DESI2: variants seen among roughly 807,000 people sequenced by gnomAD.
DESI2 encodes the protein deubiquitinase DESI2.
Under a neutral mutation model 24.1 loss-of-function variants are expected in DESI2, and 10 were observed. That is an observed-to-expected ratio of 0.41 (90% CI 0.26 to 0.70). DESI2 has a LOEUF of 0.70. Ranked by LOEUF, DESI2 falls within the 30% of genes least tolerant of loss-of-function variation. DESI2 has a pLI of 0.29. For synonymous variants in DESI2, 71 were observed against 87.7 expected (o/e 0.81, Z 1.06); for missense variants, 122 against 234.9 (o/e 0.52, Z 3.14).
chr1:244,676,803 TTA>T (rs893487757), intron 1 of DESI2, among the ~76,000 whole-genome samples: 1 of 147,824 alleles, frequency 6.8e-6, no homozygotes, highest in African/African-American at 2.5e-5. Context: ...AAAATATATA[TTA>T]TATATATTTT....
chr1:244,700,196 A>G (rs977083525), intron 4 of DESI2, among the ~76,000 whole-genome samples: 15 of 152,146 alleles, frequency 9.9e-5, no homozygotes, highest in Non-Finnish European at 1.9e-4. Flanking sequence ...GCTATGTCCT[A>G]TGAGTCCTCT....
chr1:244,699,810 C>G (rs1449909688), intron 4 of DESI2, among the ~76,000 whole-genome samples: 3 of 152,166 alleles, frequency 2.0e-5, no homozygotes, highest in African/African-American at 7.2e-5. Context: ...CTTTGTTTTT[C>G]AATACTGCCT....
Position 244,668,943 on chromosome 1 carries a change from AT to A in DESI2, c.42+15595del, listed in dbSNP as rs1412201625. 2.6e-5 allele frequency among the ~76,000 whole-genome samples: 4 copies of A among 152,106 alleles called. No homozygotes were observed. The East Asian group carries it at 7.7e-4, about 29-fold the overall frequency. On this transcript the variant is annotated intron_variant, in intron 1 of 4. Transcript: ENST00000302550. ...ATTTTAAGAGGATAATTTTTCTGCA[AT>A]TTTTTTCTCTTCCCTTTTATCATAT... is the stretch of plus-strand genomic sequence containing the variant.
rs528401774 is a variant in DESI2, at chr1:244,703,820, A to G, written c.352-1736A>G. Among the ~76,000 whole-genome samples the G allele has an allele frequency of 3.2e-4, 49 of 151,944 alleles. No homozygotes were observed. The South Asian group carries it at 5.4e-3, about 17-fold the overall frequency. On this transcript the variant is annotated intron_variant, in intron 4 of 4. Coordinates refer to ENST00000302550, the MANE Select transcript of DESI2 (RefSeq NM_016076.5). The stretch of plus-strand genomic sequence containing the variant: ...ACTACAGGTGCCCGCCACCACGCCT[A>G]GCTAATTTTTTGTATGTTTAGTAGA...
intron 1 of DESI2, among the ~76,000 whole-genome samples, chr1:244,657,494 T>TA (rs1675690044): frequency 6.6e-6 from 1 of 152,238 alleles, no homozygotes; most frequent in African/African-American, 2.4e-5. Flanking sequence ...TTCTTTATTA[T>TA]AAACCCTTCA....
chr1:244,656,713 A>G (rs1474285132), intron 1 of DESI2, among the ~76,000 whole-genome samples: 2 of 152,262 alleles, frequency 1.3e-5, no homozygotes, highest in African/African-American at 2.4e-5. Context: ...TTTATAAAAT[A>G]AAAATATGCA....
chr1:244,672,337 C>T (rs1022980039), intron 1 of DESI2, among the ~76,000 whole-genome samples: 2 of 152,130 alleles, frequency 1.3e-5, no homozygotes, highest in African/African-American at 4.8e-5. Flanking sequence ...TTCTCCATCT[C>T]TCTTGCTGCT....
At chr1:244,667,428 G>A (rs1676085321) in intron 1 of DESI2, among the ~76,000 whole-genome samples, 1 of 152,102 alleles carries the variant, frequency 6.6e-6, no homozygotes, top group South Asian at 2.1e-4. Flanking sequence ...TTTGACTCCG[G>A]GTCTCACATC....
rs1677773739 is a variant in DESI2 at position 244,707,910 on chromosome 1, T to TATG, written c.*2121_*2122insATG. 1 of 152,214 alleles carries TATG rather than the reference T, an allele frequency of 6.6e-6. No individual in the cohort carries two copies. Among genetic ancestry groups the TATG allele is most frequent in the Non-Finnish European group, 1.5e-5 (1 of 68,032 alleles). 9.4% of individuals were successfully genotyped at this position (152,214 alleles called of 1,614,324 possible). ...ATGTAAAGGGTTCTAGTAGAAATAG[T>TATG]GTCCTAAGGCCAATTACCTACCATA... On this transcript the variant is annotated 3_prime_UTR_variant, in exon 5 of 5. Coordinates refer to ENST00000302550, the MANE Select transcript of DESI2 (RefSeq NM_016076.5).
At position 244,707,599 on chromosome 1, in the gene DESI2, G is replaced by C. The variant is rs1209992882; in HGVS notation, c.*1810G>C. 2 of 152,388 alleles carry C rather than the reference G, an allele frequency of 1.3e-5. No individual in the cohort carries two copies. The highest frequency in any genetic ancestry group is 4.8e-5 in the African/African-American group (2 of 41,464). 9.4% of individuals were successfully genotyped at this position (152,388 alleles called of 1,614,324 possible). A position where few individuals can be genotyped will look rare whatever the true frequency, so the allele number is the denominator to read the frequency against. On this transcript the variant is annotated 3_prime_UTR_variant, in exon 5 of 5. Coordinates refer to ENST00000302550, the MANE Select transcript of DESI2 (RefSeq NM_016076.5). ...CTAAAAAGAGAGAGTCCTGTCCCCAGACGGTTAGTACAAAGCCTTGGATAC... is the reference window on the plus strand; with the variant it reads ...CTAAAAAGAGAGAGTCCTGTCCCCACACGGTTAGTACAAAGCCTTGGATAC...
intron 4 of DESI2, among the ~76,000 whole-genome samples, chr1:244,692,922 G>A (rs1241644677): frequency 1.3e-5 from 2 of 152,204 alleles, no homozygotes; most frequent in Non-Finnish European, 2.9e-5. Context: ...TGACTCATAT[G>A]AACGTGAAGG....
At chr1:244,666,649 TG>T (rs1676057049) in intron 1 of DESI2, among the ~76,000 whole-genome samples, 1 of 152,230 alleles carries the variant, frequency 6.6e-6, no homozygotes, top group Admixed American at 6.5e-5. Flanking sequence ...CATTCTGACC[TG>T]TTGCTCTTTT....
chr1:244,704,950 G>T (rs1049574680), intron 4 of DESI2, among the ~76,000 whole-genome samples: 1 of 152,136 alleles, frequency 6.6e-6, no homozygotes, highest in South Asian at 2.1e-4. Context: ...GAGCCACCGC[G>T]CCTGGCCCAC....
intron 1 of DESI2, chr1:244,653,616 C>T (rs1469653308): frequency 1.1e-5 from 6 of 527,282 alleles, no homozygotes; most frequent in Middle Eastern, 9.8e-4. Flanking sequence ...TCAGCTTGGA[C>T]CCGACCCCGG....
At chr1:244,691,832 C>T (rs1482912822) in intron 3 of DESI2, 47 bp from the exon 4 acceptor site, 1 of 1,431,266 alleles carries the variant, frequency 7.0e-7, no homozygotes, top group South Asian at 1.4e-5. Flanking sequence ...TTTGACACAA[C>T]TATGTCCTTA....
chr1:244,659,749 T>A (rs1228779340), intron 1 of DESI2, among the ~76,000 whole-genome samples: 1 of 152,198 alleles, frequency 6.6e-6, no homozygotes, highest in Non-Finnish European at 1.5e-5. Flanking sequence ...GCAAAGTCTC[T>A]TTGCTATGTA....
chr1:244,699,312 G>T (rs778847004), intron 4 of DESI2, among the ~76,000 whole-genome samples: 1 of 151,928 alleles, frequency 6.6e-6, no homozygotes, highest in South Asian at 2.1e-4. Flanking sequence ...GGCCAGGTGC[G>T]GTGGCTCATG....
At chr1:244,672,229 C>T (rs528642536) in intron 1 of DESI2, among the ~76,000 whole-genome samples, 1 of 152,078 alleles carries the variant, frequency 6.6e-6, no homozygotes, top group Non-Finnish European at 1.5e-5. Flanking sequence ...GGGGGCAGAT[C>T]GCTCATGAAT....
rs147508869 is a variant in DESI2 at position 244,660,108 on chromosome 1, C to A, written c.42+6753C>A. Among the ~76,000 whole-genome samples the A allele has an allele frequency of 7.5e-3, 1,144 of 152,214 alleles. 7 individuals carry two copies. The highest frequency in any genetic ancestry group is 0.037 in the Middle Eastern group (11 of 294). ...TTGTAAATCAGATACTTTAAAAATACCAGAGAGCCTACTATTTAGATGAAT... is the reference window on the plus strand; with the variant it reads ...TTGTAAATCAGATACTTTAAAAATAACAGAGAGCCTACTATTTAGATGAAT... On this transcript the variant is annotated intron_variant, in intron 1 of 4. Coordinates refer to ENST00000302550, the MANE Select transcript of DESI2 (RefSeq NM_016076.5).
Sources: allele counts gnomAD v4.1 joint callset (sites outside exome capture counted in the v4.1 genomes callset), GRCh38; gene constraint gnomAD v4.1.1; transcripts MANE v1.5; gene names NCBI Gene and HGNC (gene_info 2026-07-23, HGNC 2026-07-21).